The following C9orf72 variants were observed in gnomAD, a reference collection of about 807,000 sequenced individuals.
The protein encoded by C9orf72 is guanine nucleotide exchange factor C9orf72.
In C9orf72, 44 loss-of-function variants were observed where a neutral mutation model predicts 51.6. The ratio of observed to expected loss-of-function variants is 0.85; its 90% CI spans 0.67 to 1.10. C9orf72 has a LOEUF of 1.10. Among genes scored for constraint, C9orf72 ranks in the 50% least tolerant of loss-of-function variants. The pLI, the probability that C9orf72 is intolerant of heterozygous loss-of-function variation, is 0.00. For missense variants in C9orf72, 607 were observed against 570.6 expected, an observed-to-expected ratio of 1.06 and a Z score of -0.65; for synonymous variants, 213 against 194.2, an observed-to-expected ratio of 1.10 and a Z score of -0.81.
At chr9:27,567,780 G>C (rs1018290261) in intron 1 of C9orf72, among the ~76,000 whole-genome samples, 1 of 152,140 alleles carries the variant, frequency 6.6e-6, no homozygotes, top group Non-Finnish European at 1.5e-5. Context: ...TGGAGACACA[G>C]AGACAAATGG....
At chr9:27,549,093 C>T (rs1298821360) in intron 9 of C9orf72, among the ~76,000 whole-genome samples, 4 of 152,168 alleles carry the variant, frequency 2.6e-5, no homozygotes, top group African/African-American at 4.8e-5. Context: ...CCACCCACCT[C>T]GGACTCCCAA....
rs949201089 is a variant in C9orf72 at position 27,565,462 on chromosome 9, T to C, written c.504+69A>G. ...CGTATGTCTCCAAGGCCTTGACAAA[T>C]GTAGCCATCAACCTTATACAGATAC... On this transcript the variant is annotated intron_variant, in intron 3 of 10. Transcript: ENST00000380003. The C allele has an allele frequency of 9.0e-6, 9 of 1,001,450 alleles. No homozygotes were observed. The African/African-American group carries it at 1.5e-4, about 16-fold the overall frequency. The allele number at this position is 1,001,450 out of a possible 1,614,324, so 62.0% of individuals were successfully genotyped here. A position where few individuals can be genotyped will look rare whatever the true frequency, so the allele number is the denominator to read the frequency against.
intron 1 of C9orf72, among the ~76,000 whole-genome samples, chr9:27,573,023 T>A (rs999860291): frequency 1.3e-5 from 2 of 152,092 alleles, no homozygotes; most frequent in African/African-American, 2.4e-5. Context: ...AACCCCGACT[T>A]GGTCCGCAGA....
chr9:27,570,053 A>G (rs4879572), intron 1 of C9orf72, among the ~76,000 whole-genome samples: 9,901 of 152,326 alleles, frequency 0.065, 458 homozygotes, highest in East Asian at 0.14. Flanking sequence ...GGTTGAACAC[A>G]ACGACAGTTT....
chr9:27,573,419 C>T lies in C9orf72; in HGVS notation c.-45+12G>A, dbSNP rs1819634801. 6.6e-6 allele frequency: 1 copy of T among 152,264 alleles called. No individual in the cohort carries two copies. Among genetic ancestry groups the T allele is most frequent in the Non-Finnish European group, 1.5e-5 (1 of 68,224 alleles). 9.4% of individuals were successfully genotyped at this position (152,264 alleles called of 1,614,324 possible). On this transcript the variant is annotated intron_variant, in intron 1 of 10. Coordinates refer to ENST00000380003, the MANE Select transcript of C9orf72 (RefSeq NM_018325.5). The stretch of plus-strand genomic sequence containing the variant: ...AAACAGCCACCCGCCAGGATGCCGC[C>T]TCCTCACTCACCCACTCGCCACCGC...
chr9:27,558,336 A>T lies in C9orf72; in HGVS notation c.855+155T>A, dbSNP rs374953135. The stretch of plus-strand genomic sequence containing the variant: ...ATGATACTAACTATAAATCCATAAG[A>T]CATATAGTCTATGTGCAGAACTGTG... On this transcript the variant is annotated intron_variant, in intron 7 of 10. Coordinates refer to ENST00000380003, the MANE Select transcript of C9orf72 (RefSeq NM_018325.5). Among the ~76,000 whole-genome samples, 5 of 151,958 alleles carry T rather than the reference A, an allele frequency of 3.3e-5. No individual in the cohort carries two copies. In the East Asian group the frequency reaches 9.6e-4, roughly 29 times the overall value.
chr9:27,570,204 A>C (rs1307286574), intron 1 of C9orf72, among the ~76,000 whole-genome samples: 1 of 152,246 alleles, frequency 6.6e-6, no homozygotes, highest in Non-Finnish European at 1.5e-5. Context: ...TTTTAATACA[A>C]TGTAAGCAGT....
chr9:27,562,616 G>C, intron 3 of C9orf72, 140 bp from the exon 4 acceptor site: 1 of 429,622 alleles, frequency 2.3e-6, no homozygotes, highest in East Asian at 3.7e-5. Flanking sequence ...TATCAAACAA[G>C]TCTACTACAT....
intron 9 of C9orf72, 125 bp from the exon 10 acceptor site, chr9:27,548,791 C>T: frequency 1.7e-6 from 1 of 593,534 alleles, no homozygotes; most frequent in Non-Finnish European, 3.0e-6. Context: ...ACCATTTCCA[C>T]TGATGCCCCC....
At chr9:27,568,482 C>T (rs1015552252) in intron 1 of C9orf72, among the ~76,000 whole-genome samples, 4 of 152,230 alleles carry the variant, frequency 2.6e-5, no homozygotes, top group African/African-American at 9.6e-5. Flanking sequence ...CCTTGCTCAA[C>T]TTGTACATCT....
At chr9:27,550,575 C>G (rs769281398) in intron 9 of C9orf72, 75 bp downstream of exon 9, 2 of 871,798 alleles carry the variant, frequency 2.3e-6, no homozygotes, top group Admixed American at 2.3e-5. Flanking sequence ...ATATATAGAA[C>G]AGGCATTGTA....
intron 3 of C9orf72, 129 bp from the exon 4 acceptor site, chr9:27,562,605 G>T: frequency 2.3e-6 from 1 of 440,798 alleles, no homozygotes; most frequent in Non-Finnish European, 4.0e-6. Context: ...TTCAAACACA[G>T]TATCAAACAA....
intron 3 of C9orf72, among the ~76,000 whole-genome samples, chr9:27,564,692 A>G (rs907637809): frequency 1.3e-5 from 2 of 151,848 alleles, no homozygotes; most frequent in African/African-American, 4.8e-5. Flanking sequence ...TTTTTTTTTA[A>G]TTACTTTTTT....
At chr9:27,557,043 T>C (rs954834654) in intron 7 of C9orf72, among the ~76,000 whole-genome samples, 2 of 152,112 alleles carry the variant, frequency 1.3e-5, no homozygotes, top group African/African-American at 4.8e-5. Flanking sequence ...AATGAATTTA[T>C]TATTTGGCAT....
At chr9:27,568,024 A>T (rs1245068183) in intron 1 of C9orf72, among the ~76,000 whole-genome samples, 2 of 150,216 alleles carry the variant, frequency 1.3e-5, no homozygotes, top group Admixed American at 1.3e-4. Flanking sequence ...TGCTTTGTTA[A>T]GTAATCTTAG....
At chr9:27,557,113 A>T (rs1262174358) in intron 7 of C9orf72, among the ~76,000 whole-genome samples, 1 of 152,198 alleles carries the variant, frequency 6.6e-6, no homozygotes, top group Non-Finnish European at 1.5e-5. Context: ...ATCTGCTGTG[A>T]AAAAAGCAGA....
chr9:27,563,786 T>C (rs1819404802), intron 3 of C9orf72, among the ~76,000 whole-genome samples: 1 of 152,180 alleles, frequency 6.6e-6, no homozygotes, highest in Admixed American at 6.5e-5. Flanking sequence ...CACAACTAAC[T>C]ATTCACTGTT....
At chr9:27,573,525 C>CCCCGGCCCCGG (rs1432897755), upstream of C9orf72, 2 of 33,212 alleles carry the variant, frequency 6.0e-5, no homozygotes, top group African/African-American at 1.8e-4. Flanking sequence ...CCCGACCACG[C>CCCCGGCCCCGG]CCCGGCCCCG....
At chr9:27,554,541 A>AC (rs1820971967) in intron 8 of C9orf72, 6 of 398,228 alleles carry the variant, frequency 1.5e-5, no homozygotes, top group Non-Finnish European at 2.7e-5. Flanking sequence ...TATGCTTATT[A>AC]CCTGGGTAAT....
Sources: gnomAD v4.1 joint callset for allele counts (sites outside exome capture counted in the v4.1 genomes callset) on GRCh38, gnomAD v4.1.1 for gene constraint, MANE v1.5 for transcripts, NCBI Gene and HGNC (gene_info 2026-07-23, HGNC 2026-07-21) for gene names.